Variants in PCDH15 observed in about 807,000 individuals in gnomAD.
PCDH15 encodes the protein protocadherin-15.
Under a neutral mutation model 178.5 loss-of-function variants are expected in PCDH15, and 129 were observed. The ratio of observed to expected loss-of-function variants is 0.72; its 90% CI spans 0.63 to 0.84. The LOEUF (loss-of-function observed/expected upper bound fraction) is 0.84. Ranked by LOEUF, PCDH15 falls within the 40% of genes least tolerant of loss-of-function variation. The pLI, the probability that PCDH15 is intolerant of heterozygous loss-of-function variation, is 0.00. For synonymous variants in PCDH15, 800 were observed against 732.0 expected (o/e 1.09, Z -1.50); for missense variants, 2,230 against 2,099.9 (o/e 1.06, Z -1.21).
intron 2 of PCDH15, among the ~76,000 whole-genome samples, chr10:55,601,542 T>C (rs879699230): frequency 6.6e-6 from 1 of 152,134 alleles, no homozygotes; most frequent in Admixed American, 6.6e-5. Flanking sequence ...TATAAGCAAG[T>C]ACAAGTAAGT....
intron 2 of PCDH15, among the ~76,000 whole-genome samples, chr10:55,376,845 T>A (rs1837404756): frequency 6.6e-6 from 1 of 152,062 alleles, no homozygotes; most frequent in Non-Finnish European, 1.5e-5. Context: ...GTGGCTTTAC[T>A]TTTACTAAGC....
At chr10:54,846,236 C>T (rs543031882) in intron 3 of PCDH15, among the ~76,000 whole-genome samples, 189 of 152,140 alleles carry the variant, frequency 1.2e-3, no homozygotes, top group Non-Finnish European at 2.1e-3. Context: ...CAAGTGTTAT[C>T]AACATGTTTT....
intron 2 of PCDH15, among the ~76,000 whole-genome samples, chr10:55,341,795 ATATATATATATTTTTTTTT>A (rs1327701833): frequency 2.2e-3 from 25 of 11,232 alleles, no homozygotes; most frequent in Admixed American, 0.014. Flanking sequence ...ATATATATAT[ATATATATATATTTTTTTTT>A]TTTTTTTTTT....
At chr10:53,881,432 C>T (rs149030248) in intron 26 of PCDH15, among the ~76,000 whole-genome samples, 46 of 152,102 alleles carry the variant, frequency 3.0e-4, no homozygotes, top group African/African-American at 1.1e-3. Flanking sequence ...CCACTTGTAA[C>T]CCCTAAATGT....
intron 1 of PCDH15, among the ~76,000 whole-genome samples, chr10:54,787,845 G>C (rs972304891): frequency 6.6e-6 from 1 of 151,882 alleles, no homozygotes; most frequent in Non-Finnish European, 1.5e-5. Context: ...TATATCACTA[G>C]GTTTTCAATT....
Position 54,841,553 on chromosome 10 carries a change from T to C in PCDH15, c.-29+55897A>G, listed in dbSNP as rs578256681. ...GCAGATGGGCAGAAATAATAAAAATTAGAGCAACAAATAATATAAAGACAA... is the reference window on the plus strand; with the variant it reads ...GCAGATGGGCAGAAATAATAAAAATCAGAGCAACAAATAATATAAAGACAA... On this transcript the variant is annotated intron_variant, in intron 3 of 5. Coordinates refer to the PCDH15 transcript ENST00000458638. Among the ~76,000 whole-genome samples, 36 of 151,730 alleles carry C rather than the reference T, an allele frequency of 2.4e-4. No individual in the cohort carries two copies. In the South Asian group the frequency reaches 2.7e-3, roughly 11 times the overall value.
chr10:54,602,107 C>T (rs563546866), intron 2 of PCDH15, among the ~76,000 whole-genome samples: 1 of 151,820 alleles, frequency 6.6e-6, no homozygotes, highest in African/African-American at 2.4e-5. Flanking sequence ...ATATAACAAA[C>T]CTGCACATAT....
At chr10:55,063,296 T>G (rs1841483910) in intron 2 of PCDH15, among the ~76,000 whole-genome samples, 2 of 152,172 alleles carry the variant, frequency 1.3e-5, no homozygotes, top group Admixed American at 6.6e-5. Flanking sequence ...AAAATTTTTC[T>G]AGCAGTGTCA....
At chr10:54,065,928 C>T (rs924468637) in intron 18 of PCDH15, among the ~76,000 whole-genome samples, 1 of 152,074 alleles carries the variant, frequency 6.6e-6, no homozygotes, top group African/African-American at 2.4e-5. Context: ...GTAGAGAAGC[C>T]TCACTTGAAA....
intron 1 of PCDH15, among the ~76,000 whole-genome samples, chr10:55,207,891 C>T (rs1233226417): frequency 6.6e-6 from 1 of 152,050 alleles, no homozygotes; most frequent in Non-Finnish European, 1.5e-5. Flanking sequence ...ATCACTTGAA[C>T]CTGGAAGGCA....
chr10:54,956,889 T>C (rs1240141217), intron 2 of PCDH15, among the ~76,000 whole-genome samples: 3 of 151,714 alleles, frequency 2.0e-5, no homozygotes, highest in Non-Finnish European at 3.0e-5. Flanking sequence ...TGACATATCA[T>C]TGAATATGGA....
intron 16 of PCDH15, among the ~76,000 whole-genome samples, chr10:54,079,910 T>C (rs553259282): frequency 6.6e-6 from 1 of 152,238 alleles, no homozygotes; most frequent in South Asian, 2.1e-4. Context: ...AAAGTTTTTC[T>C]TTTTTCTTAC....
intron 3 of PCDH15, among the ~76,000 whole-genome samples, chr10:54,893,301 C>T (rs772338745): frequency 6.6e-6 from 1 of 151,854 alleles, no homozygotes; most frequent in Admixed American, 6.6e-5. Context: ...TATTATAATG[C>T]ACTGAAAATG....
chr10:54,169,079 TTCC>T (rs1298754772), intron 13 of PCDH15, among the ~76,000 whole-genome samples: 1 of 151,512 alleles, frequency 6.6e-6, no homozygotes, highest in Non-Finnish European at 1.5e-5. Flanking sequence ...CAGCCCGGGA[TTCC>T]TCCTAAGCCG....
In PCDH15 at chr10:55,601,218, G is replaced by C. The variant is rs116345665; in HGVS notation, c.-156+26407C>G. Among the ~76,000 whole-genome samples the C allele has an allele frequency of 6.7e-3, 1,014 of 152,306 alleles. 13 individuals are homozygous for C. Among genetic ancestry groups the C allele is most frequent in the African/African-American group, 0.023 (965 of 41,570 alleles). On this transcript the variant is annotated intron_variant, in intron 2 of 5. Transcript: ENST00000613346. The stretch of plus-strand genomic sequence containing the variant: ...AATGCAGAAGTGCTGTGAGAGAGTT[G>C]TGAATGGAATGATGTGGAAACACAT...
chr10:55,307,520 A>C (rs923792593), intron 1 of PCDH15, among the ~76,000 whole-genome samples: 2 of 151,964 alleles, frequency 1.3e-5, no homozygotes, highest in African/African-American at 4.8e-5. Context: ...AAAAAAAAAA[A>C]ATTATATTTT....
chr10:55,267,283 A>G lies in PCDH15; in HGVS notation c.-156+52316T>C, dbSNP rs17612621. Among the ~76,000 whole-genome samples the G allele has an allele frequency of 2.8e-3, 431 of 152,284 alleles. 2 individuals are homozygous for G. Among genetic ancestry groups the G allele is most frequent in the Admixed American group, 0.011 (171 of 15,282 alleles). The stretch of plus-strand genomic sequence containing the variant: ...CTATTATCTATCTATCCATATATCT[A>G]TCTTTAATGTTGAACCTCTAAAGAT... On this transcript the variant is annotated intron_variant, in intron 1 of 5. Coordinates refer to the PCDH15 transcript ENST00000458638.
At chr10:54,189,925 ATGTGTGTGTGTG>A (rs57024579) in intron 11 of PCDH15, among the ~76,000 whole-genome samples, 7 of 141,482 alleles carry the variant, frequency 4.9e-5, no homozygotes, top group South Asian at 2.2e-4. Context: ...ATGCATGTGT[ATGTGTGTGTGTG>A]TGTGTGTGTG....
At chr10:55,304,146 G>C (rs551904162) in intron 1 of PCDH15, among the ~76,000 whole-genome samples, 8 of 152,110 alleles carry the variant, frequency 5.3e-5, no homozygotes, top group Non-Finnish European at 2.9e-5. Context: ...GTCTGGGTGG[G>C]TGTGACCAGA....
Sources: gnomAD v4.1 joint callset for allele counts (sites outside exome capture counted in the v4.1 genomes callset) on GRCh38, gnomAD v4.1.1 for gene constraint, MANE v1.5 for transcripts, NCBI Gene and HGNC (gene_info 2026-07-23, HGNC 2026-07-21) for gene names.